Variants in TNRC6A observed in about 807,000 individuals in gnomAD.
TNRC6A encodes the protein trinucleotide repeat-containing gene 6A protein.
In TNRC6A, 44 loss-of-function variants were observed where a neutral mutation model predicts 221.2. The ratio of observed to expected loss-of-function variants is 0.20; its 90% CI spans 0.16 to 0.26. TNRC6A has a LOEUF of 0.26. Among genes scored for constraint, TNRC6A ranks in the 10% least tolerant of loss-of-function variants. The probability of loss-of-function intolerance (pLI) is 1.00; values close to 1 mark genes in which losing one functional copy is unlikely to be tolerated. For synonymous variants in TNRC6A, 847 were observed against 838.5 expected (o/e 1.01, Z -0.18); for missense variants, 2,199 against 2,404.4 (o/e 0.91, Z 1.79).
upstream of TNRC6A, among the ~76,000 whole-genome samples, chr16:24,725,591 A>T (rs971347561): frequency 1.3e-5 from 2 of 151,740 alleles, no homozygotes; most frequent in African/African-American, 4.8e-5. Context: ...TCAAAGAAAC[A>T]TTCTTTGTTG....
intron 11 of TNRC6A, among the ~76,000 whole-genome samples, chr16:24,801,106 C>T (rs1330999317): frequency 1.3e-5 from 2 of 152,170 alleles, no homozygotes; most frequent in Non-Finnish European, 2.9e-5. Flanking sequence ...CCACCTGGTC[C>T]AGTAAACAGT....
intron 1 of TNRC6A, among the ~76,000 whole-genome samples, chr16:24,629,812 G>A (rs1004187514): frequency 1.3e-5 from 2 of 151,858 alleles, no homozygotes; most frequent in African/African-American, 4.8e-5. Context: ...CTATAAAAAA[G>A]TACAAAAAGT....
rs1445468934 is a variant in TNRC6A, at chr16:24,761,729, C to G, written c.163+3369C>G. On this transcript the variant is annotated intron_variant, in intron 4 of 24. Transcript: ENST00000395799. ...TTTTCTTTTTTTAAACGTGATCATGCTACATTACCCAGGCTGGTCTCAAAC... is the reference window on the plus strand; with the variant it reads ...TTTTCTTTTTTTAAACGTGATCATGGTACATTACCCAGGCTGGTCTCAAAC... Among the ~76,000 whole-genome samples, 9 of 151,688 alleles carry G rather than the reference C, an allele frequency of 5.9e-5. No individual in the cohort carries two copies. The East Asian group carries it at 7.7e-4, about 13-fold the overall frequency.
intron 1 of TNRC6A, 67 bp from the exon 2 acceptor site, chr16:24,730,186 T>G: frequency 6.9e-7 from 1 of 1,446,510 alleles, no homozygotes; most frequent in Non-Finnish European, 9.1e-7. Context: ...GCAGCTCCGT[T>G]TTCACGCGCA....
intron 11 of TNRC6A, among the ~76,000 whole-genome samples, chr16:24,800,984 A>T (rs2058320465): frequency 1.3e-5 from 2 of 152,220 alleles, no homozygotes; most frequent in South Asian, 4.1e-4. Flanking sequence ...AGCAGTCAAA[A>T]AGGGTGAATT....
chr16:24,692,153 C>T (rs1276991850), intron 2 of TNRC6A, among the ~76,000 whole-genome samples: 1 of 152,088 alleles, frequency 6.6e-6, no homozygotes, highest in Non-Finnish European at 1.5e-5. Context: ...AAGAAATAGA[C>T]AGGGAGTCCG....
intron 2 of TNRC6A, among the ~76,000 whole-genome samples, chr16:24,708,848 A>G (rs2056149144): frequency 6.6e-6 from 1 of 152,226 alleles, no homozygotes; most frequent in Admixed American, 6.5e-5. Context: ...TTCGTGGCTC[A>G]GTAGTATTCC....
At chr16:24,812,303 C>T (rs1323355997) in intron 18 of TNRC6A, among the ~76,000 whole-genome samples, 4 of 152,090 alleles carry the variant, frequency 2.6e-5, no homozygotes, top group African/African-American at 9.7e-5. Flanking sequence ...CTGCCTGCCT[C>T]AGCCTGCCAA....
Position 24,631,051 on chromosome 16 carries a change from G to A in TNRC6A, n.277-9833G>A, listed in dbSNP as rs1451255510. Among the ~76,000 whole-genome samples the A allele has an allele frequency of 2.0e-4, 30 of 151,296 alleles. 2 individuals are homozygous for A. The highest frequency in any genetic ancestry group is 1.6e-3 in the Admixed American group (25 of 15,228). On this transcript the variant is annotated intron_variant and non_coding_transcript_variant, in intron 1 of 2. Coordinates refer to the TNRC6A transcript ENST00000566108. Reference sequence around the variant, plus strand: ...AAAAAAAAAGGGACCAGCCCTCCCTGCGCCAATTCATTCTGGAGAAGAACT... The same window carrying A: ...AAAAAAAAAGGGACCAGCCCTCCCTACGCCAATTCATTCTGGAGAAGAACT...
intron 11 of TNRC6A, 79 bp from the exon 12 acceptor site, chr16:24,804,098 T>C: frequency 7.0e-7 from 1 of 1,419,478 alleles, no homozygotes; most frequent in Non-Finnish European, 9.4e-7. Context: ...GGAAAGTGAG[T>C]GTTTTGCTTT....
chr16:24,721,220 C>T (rs1291643242), intron 2 of TNRC6A, among the ~76,000 whole-genome samples: 1 of 152,186 alleles, frequency 6.6e-6, no homozygotes, highest in Non-Finnish European at 1.5e-5. Context: ...CAAATATACA[C>T]TTACCTTGTG....
chr16:24,720,517 C>A (rs574179845), intron 2 of TNRC6A, among the ~76,000 whole-genome samples: 1 of 149,490 alleles, frequency 6.7e-6, no homozygotes, highest in Non-Finnish European at 1.5e-5. Flanking sequence ...GGTGAAACCC[C>A]GTCTCTACTA....
chr16:24,793,690 G>A (rs1021075378), intron 7 of TNRC6A, 41 bp downstream of exon 7: 2 of 1,338,204 alleles, frequency 1.5e-6, no homozygotes, highest in South Asian at 2.6e-5. Flanking sequence ...ATGTAGCAGT[G>A]GCGAACACTC....
chr16:24,617,891 T>TTTTTA (rs1047417802), intron 1 of TNRC6A, among the ~76,000 whole-genome samples: 2 of 152,082 alleles, frequency 1.3e-5, no homozygotes, highest in African/African-American at 2.4e-5. Flanking sequence ...TGAATTAATT[T>TTTTTA]TTTTATTTTA....
chr16:24,822,361 C>T (rs1048930339), intron 23 of TNRC6A, among the ~76,000 whole-genome samples: 1 of 152,178 alleles, frequency 6.6e-6, no homozygotes, highest in Admixed American at 6.5e-5. Context: ...TACAGATTCC[C>T]AGGCCTCACC....
chr16:24,646,720 C>T (rs1221447580), intron 2 of TNRC6A, among the ~76,000 whole-genome samples: 1 of 152,116 alleles, frequency 6.6e-6, no homozygotes, highest in South Asian at 2.1e-4. Flanking sequence ...CATGAATTGA[C>T]AAGGTTTTTT....
In TNRC6A at chr16:24,823,408, G is replaced by GCC. The variant is rs1230925103; in HGVS notation, c.5514-24_5514-23insCC. 6.3e-7 allele frequency: 1 copy of GCC among 1,587,182 alleles called. No homozygotes were observed. The highest frequency in any genetic ancestry group is 2.2e-5 in the East Asian group (1 of 44,586). On this transcript the variant is annotated intron_variant, in intron 24 of 24. Coordinates refer to ENST00000395799, the MANE Select transcript of TNRC6A (RefSeq NM_014494.4). The surrounding 1 kb of genome is among the most constrained non-coding windows in gnomAD (Gnocchi z 4.3). ...CCCTCCTGGTGTGCTGTCCTCACGT[G>GCC]TCCGCGGTGCCTCTCTCCTCTAGGT... is the stretch of plus-strand genomic sequence containing the variant.
At chr16:24,775,910 A>G (rs1050343448) in intron 4 of TNRC6A, among the ~76,000 whole-genome samples, 1 of 152,256 alleles carries the variant, frequency 6.6e-6, no homozygotes, top group Non-Finnish European at 1.5e-5. Context: ...CTACCAAAGT[A>G]TAAGGTGGTA....
intron 4 of TNRC6A, among the ~76,000 whole-genome samples, chr16:24,761,324 A>C (rs1351757431): frequency 1.3e-5 from 2 of 152,242 alleles, no homozygotes; most frequent in Non-Finnish European, 2.9e-5. Context: ...TATTTAAAAA[A>C]TCTTTTAAAA....
Sources: gnomAD v4.1 joint callset for allele counts (sites outside exome capture counted in the v4.1 genomes callset) on GRCh38, gnomAD v4.1.1 for gene constraint, Gnocchi (gnomAD v3.1) non-coding constraint, MANE v1.5 for transcripts, NCBI Gene and HGNC (gene_info 2026-07-23, HGNC 2026-07-21) for gene names.